The following PCDH15 variants were observed in gnomAD, a reference collection of about 807,000 sequenced individuals.
The protein encoded by PCDH15 is protocadherin related 15, also known as protocadherin-15.
PCDH15 carries 129 observed loss-of-function variants against 178.5 expected under a neutral mutation model. That is an observed-to-expected ratio of 0.72 (90% CI 0.63 to 0.84). PCDH15 has a LOEUF of 0.84. Ranked by LOEUF, PCDH15 falls within the 40% of genes least tolerant of loss-of-function variation. PCDH15 has a pLI of 0.00. For missense variants in PCDH15, 2,230 were observed against 2,099.9 expected (o/e 1.06, Z -1.21); for synonymous variants, 800 against 732.0 (o/e 1.09, Z -1.50).
intron 3 of PCDH15, among the ~76,000 whole-genome samples, chr10:54,518,496 C>A (rs1383811178): frequency 1.3e-5 from 2 of 152,058 alleles, no homozygotes; most frequent in South Asian, 2.1e-4. Context: ...ATACACCCCC[C>A]CAAGACTAAA....
At chr10:54,397,271 G>A (rs1056355212) in intron 3 of PCDH15, among the ~76,000 whole-genome samples, 1 of 151,960 alleles carries the variant, frequency 6.6e-6, no homozygotes. Flanking sequence ...ACATCCCTTT[G>A]AAATATTGTT....
Position 54,489,215 on chromosome 10 carries a change from A to T in PCDH15, c.157+38597T>A, listed in dbSNP as rs191305999. On this transcript the variant is annotated intron_variant, in intron 3 of 37. Transcript: ENST00000644397. ...TTGATTAACTTGTATTCAAGCCATG[A>T]CCTTTTATTGTTCTCAAATACTGAT... Among the ~76,000 whole-genome samples the T allele has an allele frequency of 2.0e-5, 3 of 152,190 alleles. No individual in the cohort carries two copies. The East Asian group carries it at 5.8e-4, about 29-fold the overall frequency.
intron 3 of PCDH15, among the ~76,000 whole-genome samples, chr10:54,442,390 T>TAA (rs71461241): frequency 3.8e-5 from 1 of 26,598 alleles, no homozygotes; most frequent in African/African-American, 1.2e-4. Context: ...CCTTTTTTTT[T>TAA]AAAAAAAAAA....
chr10:53,866,894 G>T, intron 26 of PCDH15, 37 bp from the exon 27 acceptor site: 1 of 1,431,528 alleles, frequency 7.0e-7, no homozygotes, highest in Non-Finnish European at 9.8e-7. Context: ...TTATAATTAA[G>T]CAGGAAAAGA....
intron 1 of PCDH15, among the ~76,000 whole-genome samples, chr10:54,708,019 T>C (rs2095384105): frequency 6.6e-6 from 1 of 152,170 alleles, no homozygotes; most frequent in South Asian, 2.1e-4. Context: ...GTTTATCATG[T>C]TTTAGCAACA....
chr10:55,599,169 C>A (rs1015042444), intron 2 of PCDH15: 1 of 152,100 alleles, frequency 6.6e-6, no homozygotes. Flanking sequence ...GAGCTCTAGC[C>A]AAGTCCCCCA....
Position 53,811,697 on chromosome 10 carries a change from A to C in PCDH15, c.4492-78T>G. The stretch of plus-strand genomic sequence containing the variant: ...AGGTCAAAGTCAGATTTCTACACCT[A>C]GAATTCCATGATTCTCAAAACATTC... On this transcript the variant is annotated intron_variant, in intron 35 of 37. Coordinates refer to ENST00000644397, the MANE Select transcript of PCDH15 (RefSeq NM_001384140.1). The C allele has an allele frequency of 4.9e-6, 4 of 808,406 alleles. No homozygotes were observed. In the South Asian group the frequency reaches 8.7e-5, roughly 18 times the overall value. The allele number at this position is 808,406 out of a possible 1,614,324, so 50.1% of individuals were successfully genotyped here. A position where few individuals can be genotyped will look rare whatever the true frequency, so the allele number is the denominator to read the frequency against.
chr10:54,967,097 C>A (rs986728140), intron 2 of PCDH15, among the ~76,000 whole-genome samples: 13 of 152,080 alleles, frequency 8.5e-5, no homozygotes, highest in Non-Finnish European at 1.5e-4. Context: ...CACTATTACT[C>A]AGCTTTAGAC....
chr10:54,860,664 C>G (rs923319721), intron 3 of PCDH15, among the ~76,000 whole-genome samples: 1 of 151,860 alleles, frequency 6.6e-6, no homozygotes, highest in Non-Finnish European at 1.5e-5. Flanking sequence ...GGGTGTATAC[C>G]CAGTAATGGA....
intron 21 of PCDH15, among the ~76,000 whole-genome samples, chr10:53,989,626 G>A (rs2134761149): frequency 6.6e-6 from 1 of 152,184 alleles, no homozygotes; most frequent in South Asian, 2.1e-4. Flanking sequence ...GACATTCACA[G>A]TAAAAGTAGT....
chr10:54,195,139 C>A (rs1057157210), intron 11 of PCDH15, among the ~76,000 whole-genome samples: 1 of 152,110 alleles, frequency 6.6e-6, no homozygotes, highest in African/African-American at 2.4e-5. Flanking sequence ...CAGCCTGGAC[C>A]ATTTCCCACT....
chr10:54,518,387 C>T (rs1452746878), intron 3 of PCDH15, among the ~76,000 whole-genome samples: 19 of 151,818 alleles, frequency 1.3e-4, no homozygotes, highest in South Asian at 2.1e-4. Context: ...ATATCACCAC[C>T]GATCCCACAG....
intron 3 of PCDH15, among the ~76,000 whole-genome samples, chr10:54,855,911 C>T (rs1049876911): frequency 1.2e-4 from 19 of 152,122 alleles, no homozygotes; most frequent in Admixed American, 6.6e-4. Context: ...GGTTTAGATA[C>T]ATTAAAATCA....
chr10:55,513,261 A>G (rs1475909566), intron 2 of PCDH15: 1 of 152,126 alleles, frequency 6.6e-6, no homozygotes, highest in East Asian at 1.9e-4. Flanking sequence ...ACCTAGGTGT[A>G]TGTAGTGTGT....
At chr10:55,197,431 C>G (rs1246982181) in intron 1 of PCDH15, among the ~76,000 whole-genome samples, 3 of 151,916 alleles carry the variant, frequency 2.0e-5, no homozygotes, top group Non-Finnish European at 4.4e-5. Context: ...AATCATGGTT[C>G]CTTAATAATT....
intron 37 of PCDH15, among the ~76,000 whole-genome samples, 181 bp from the exon 38 acceptor site, chr10:53,807,311 G>T (rs1317462371): frequency 6.6e-6 from 1 of 152,008 alleles, no homozygotes; most frequent in Non-Finnish European, 1.5e-5. Context: ...TCCTTTATTG[G>T]CTTTAGATCT....
intron 2 of PCDH15, among the ~76,000 whole-genome samples, chr10:55,445,488 TA>T (rs1217441300): frequency 1.3e-5 from 2 of 152,092 alleles, no homozygotes; most frequent in African/African-American, 4.8e-5. Context: ...AAAGAAATAT[TA>T]ATAGTAGTAA....
chr10:54,551,437 T>A (rs1386710571), intron 2 of PCDH15, among the ~76,000 whole-genome samples: 1 of 152,014 alleles, frequency 6.6e-6, no homozygotes, highest in East Asian at 1.9e-4. Context: ...ACTTTCTGAA[T>A]CATAACAGAA....
intron 2 of PCDH15, among the ~76,000 whole-genome samples, chr10:55,095,713 C>T (rs1453729735): frequency 6.6e-6 from 1 of 152,032 alleles, no homozygotes; most frequent in Non-Finnish European, 1.5e-5. Flanking sequence ...TTCCCAATAA[C>T]ATTTTTGACA....
Sources: allele counts gnomAD v4.1 joint callset (sites outside exome capture counted in the v4.1 genomes callset), GRCh38; gene constraint gnomAD v4.1.1; transcripts MANE v1.5; gene names NCBI Gene and HGNC (gene_info 2026-07-23, HGNC 2026-07-21).